The following SRGAP1 variants were observed in gnomAD, a reference collection of about 807,000 sequenced individuals.
The protein encoded by SRGAP1 is SLIT-ROBO Rho GTPase activating protein 1, also known as SLIT-ROBO Rho GTPase-activating protein 1.
In SRGAP1, 43 loss-of-function variants were observed where a neutral mutation model predicts 121.9. That is an observed-to-expected ratio of 0.35 (90% CI 0.28 to 0.46). The LOEUF is 0.46. Ranked by LOEUF, SRGAP1 falls within the 20% of genes least tolerant of loss-of-function variation. SRGAP1 has a pLI of 1.00. For missense variants in SRGAP1, 1,102 were observed against 1,350.9 expected (o/e 0.82, Z 2.89); for synonymous variants, 447 against 485.4 (o/e 0.92, Z 1.04).
intron 1 of SRGAP1, chr12:63,888,704 C>T (rs1900475810): frequency 6.6e-6 from 1 of 152,184 alleles, no homozygotes; most frequent in South Asian, 2.1e-4. Flanking sequence ...GTTAACACAC[C>T]AGCTATCCCA....
chr12:64,121,828 C>T (rs982275203), intron 18 of SRGAP1, among the ~76,000 whole-genome samples: 2 of 119,906 alleles, frequency 1.7e-5, no homozygotes, highest in African/African-American at 5.5e-5. Flanking sequence ...TGACCATGTT[C>T]ACCTGATTTT....
At chr12:63,887,756 A>C (rs2136293298) in intron 1 of SRGAP1, 1 of 152,372 alleles carries the variant, frequency 6.6e-6, no homozygotes, top group African/African-American at 2.4e-5. Flanking sequence ...AGATGATAAG[A>C]AGAAATTGTT....
At chr12:64,081,047 CAGG>C (rs1347247867) in intron 10 of SRGAP1, 10 of 154,244 alleles carry the variant, frequency 6.5e-5, no homozygotes, top group Non-Finnish European at 1.4e-4. Flanking sequence ...CATGAGAATA[CAGG>C]CAAAGGGGAC....
At chr12:63,881,705 T>C (rs953821496) in intron 1 of SRGAP1, among the ~76,000 whole-genome samples, 11 of 152,232 alleles carry the variant, frequency 7.2e-5, no homozygotes, top group Admixed American at 1.3e-4. Context: ...TGTCCAACAC[T>C]TTTGGGAAGA....
At chr12:64,070,307 A>G (rs968964544) in intron 8 of SRGAP1, among the ~76,000 whole-genome samples, 4 of 151,974 alleles carry the variant, frequency 2.6e-5, no homozygotes, top group Non-Finnish European at 5.9e-5. Context: ...AGCTATACAT[A>G]GTCAAAGAAA....
intron 1 of SRGAP1, among the ~76,000 whole-genome samples, chr12:63,919,576 T>C (rs1451006846): frequency 4.8e-5 from 7 of 144,914 alleles, no homozygotes; most frequent in Non-Finnish European, 1.1e-4. Flanking sequence ...AACAGTGTCA[T>C]ATGTATGACT....
chr12:63,942,763 C>T (rs940518535), intron 1 of SRGAP1, among the ~76,000 whole-genome samples: 12 of 152,218 alleles, frequency 7.9e-5, no homozygotes, highest in African/African-American at 2.9e-4. Context: ...TCCGTTTCTT[C>T]TCCCAGTGCC....
At chr12:63,849,230 C>T (rs1246936734) in intron 1 of SRGAP1, among the ~76,000 whole-genome samples, 1 of 152,178 alleles carries the variant, frequency 6.6e-6, no homozygotes, top group East Asian at 1.9e-4. Flanking sequence ...TGGCAAATAG[C>T]GTAGCAGTGG....
chr12:64,014,898 C>G (rs6581518), intron 3 of SRGAP1, among the ~76,000 whole-genome samples: 58,761 of 151,808 alleles, frequency 0.39, 12,093 homozygotes, highest in Non-Finnish European at 0.48. Flanking sequence ...CTCACTGCAA[C>G]CTCTGCCTCC....
intron 8 of SRGAP1, among the ~76,000 whole-genome samples, chr12:64,075,029 G>A (rs931770219): frequency 5.9e-5 from 9 of 151,520 alleles, no homozygotes; most frequent in East Asian, 1.9e-4. Context: ...CACCTCGGTC[G>A]GGGAGACCCT....
intron 1 of SRGAP1, among the ~76,000 whole-genome samples, chr12:63,902,089 C>T (rs936196397): frequency 2.6e-5 from 4 of 152,074 alleles, no homozygotes; most frequent in Admixed American, 6.6e-5. Flanking sequence ...CTGAGGTGGG[C>T]GGATCGCTCG....
chr12:63,989,972 G>A lies in SRGAP1; in HGVS notation c.326G>A (p.Arg109Lys). The stretch of plus-strand genomic sequence containing the variant: ...TATTTGCTCCTGAACCAAGTAAGGA[G>A]AGAAAGCAAAGACCATGCAACCTTG... ...CWYLLLNQVR[R>K]ESKDHATLSD... Residue 109 changes from arginine to lysine, a missense_variant, in exon 3 of 22, where the codon AGA (arginine) becomes AAA (lysine). This residue lies in a region of SRGAP1 where 747 missense variants were observed against 929.4 expected (regional missense o/e 0.80). Transcript: ENST00000355086. 1 of 1,613,950 alleles carries A rather than the reference G, an allele frequency of 6.2e-7. No individual in the cohort carries two copies. Among genetic ancestry groups the A allele is most frequent in the Non-Finnish European group, 8.5e-7 (1 of 1,179,846 alleles).
chr12:64,073,471 G>GA (rs2035678429), intron 8 of SRGAP1, among the ~76,000 whole-genome samples: 2 of 152,120 alleles, frequency 1.3e-5, no homozygotes, highest in African/African-American at 4.8e-5. Flanking sequence ...ACAGATTACA[G>GA]TTGTCCCTTG....
intron 2 of SRGAP1, among the ~76,000 whole-genome samples, chr12:63,986,979 G>A (rs920457781): frequency 1.3e-5 from 2 of 152,178 alleles, no homozygotes; most frequent in Non-Finnish European, 2.9e-5. Flanking sequence ...AAACAGGATT[G>A]GGAAAAAAGT....
intron 1 of SRGAP1, among the ~76,000 whole-genome samples, chr12:63,948,981 TA>T (rs1565964193): frequency 2.2e-5 from 3 of 134,584 alleles, no homozygotes; most frequent in Admixed American, 1.5e-4. Flanking sequence ...CATATATATA[TA>T]TTCCATATAT....
chr12:64,002,588 C>T (rs1280146305), intron 3 of SRGAP1, among the ~76,000 whole-genome samples: 4 of 152,152 alleles, frequency 2.6e-5, no homozygotes, highest in African/African-American at 9.7e-5. Context: ...AATCCCTAAG[C>T]TACACATGAA....
At chr12:63,851,168 G>A (rs1899061605) in intron 1 of SRGAP1, among the ~76,000 whole-genome samples, 1 of 152,082 alleles carries the variant, frequency 6.6e-6, no homozygotes. Flanking sequence ...AAAAAAAGAA[G>A]TTTGGTTTAG....
At chr12:63,899,692 T>C (rs549500636) in intron 1 of SRGAP1, among the ~76,000 whole-genome samples, 2 of 152,318 alleles carry the variant, frequency 1.3e-5, no homozygotes, top group South Asian at 4.1e-4. Flanking sequence ...TTACAGACTG[T>C]TTACACATCC....
At chr12:64,020,053 A>AACCTTTGTGGTGGGTGACAGCCT (rs1208346030) in intron 4 of SRGAP1, among the ~76,000 whole-genome samples, 72 of 152,322 alleles carry the variant, frequency 4.7e-4, no homozygotes, top group African/African-American at 1.7e-3. Flanking sequence ...AATTACAGTC[A>AACCTTTGTGGTGGGTGACAGCCT]ACCTTTGTGG....
Sources: allele counts gnomAD v4.1 joint callset (sites outside exome capture counted in the v4.1 genomes callset), GRCh38; gene constraint gnomAD v4.1.1; regional missense constraint gnomAD v4.1.1; transcripts MANE v1.5; gene names NCBI Gene and HGNC (gene_info 2026-07-23, HGNC 2026-07-21).